MCF2L2: variants seen among roughly 807,000 people sequenced by gnomAD.
MCF2L2 encodes MCF.2 cell line derived transforming sequence-like 2, also known as probable guanine nucleotide exchange factor MCF2L2.
A neutral mutation model predicts 150.2 loss-of-function variants in MCF2L2; 102 were observed. That is an observed-to-expected ratio of 0.68 (90% CI 0.58 to 0.80). The LOEUF (loss-of-function observed/expected upper bound fraction) is 0.80, where lower values mean the gene tolerates loss of function less well. Ranked by LOEUF, MCF2L2 falls within the 30% of genes least tolerant of loss-of-function variation. The pLI is 0.00. For synonymous variants in MCF2L2, 465 were observed against 491.3 expected (o/e 0.95, Z 0.71); for missense variants, 1,256 against 1,372.8 (o/e 0.91, Z 1.34).
intron 15 of MCF2L2, among the ~76,000 whole-genome samples, chr3:183,246,028 A>T (rs912148170): frequency 6.6e-6 from 1 of 152,220 alleles, no homozygotes; most frequent in Non-Finnish European, 1.5e-5. Flanking sequence ...ATCTGAATAG[A>T]TGTTCTTCAA....
At chr3:183,417,432 G>A (rs1483717716) in intron 1 of MCF2L2, among the ~76,000 whole-genome samples, 1 of 152,264 alleles carries the variant, frequency 6.6e-6, no homozygotes, top group East Asian at 1.9e-4. Context: ...GGGACCATTT[G>A]TACTTTTGTT....
At chr3:183,394,002 G>C (rs1235288456) in intron 1 of MCF2L2, among the ~76,000 whole-genome samples, 1 of 152,158 alleles carries the variant, frequency 6.6e-6, no homozygotes, top group East Asian at 1.9e-4. Flanking sequence ...ATTCAAGTAT[G>C]ATCTGAGGGG....
intron 23 of MCF2L2, 26 bp downstream of exon 23, chr3:183,207,582 C>T: frequency 6.5e-7 from 1 of 1,543,526 alleles, no homozygotes. Context: ...TAGGGCGACT[C>T]CCAGATGCAA....
At chr3:183,398,850 G>C (rs1341150186) in intron 1 of MCF2L2, among the ~76,000 whole-genome samples, 4 of 152,008 alleles carry the variant, frequency 2.6e-5, no homozygotes, top group African/African-American at 9.7e-5. Context: ...TTGAGTCACA[G>C]AATAAAATGA....
rs752436072 is a variant in MCF2L2 at position 183,205,843 on chromosome 3, C to G, written c.2884+33G>C. 3 of 1,541,544 alleles carry G rather than the reference C, an allele frequency of 1.9e-6. No individual in the cohort carries two copies. The South Asian group carries it at 3.4e-5, about 17-fold the overall frequency. On this transcript the variant is annotated intron_variant, in intron 25 of 29. Coordinates refer to ENST00000328913, the MANE Select transcript of MCF2L2 (RefSeq NM_015078.4). ...CCCCACTGAGCTGAAATCAGTATAA[C>G]TCGACAGACGAAAGTCAGCAGGGGT...
intron 1 of MCF2L2, among the ~76,000 whole-genome samples, chr3:183,397,535 T>C (rs543564717): frequency 1.3e-5 from 2 of 152,192 alleles, no homozygotes; most frequent in Non-Finnish European, 2.9e-5. Flanking sequence ...TTTCAACATA[T>C]GAATTTTGGA....
chr3:183,293,132 C>T (rs1222186245), intron 13 of MCF2L2, among the ~76,000 whole-genome samples: 1 of 151,922 alleles, frequency 6.6e-6, no homozygotes, highest in Middle Eastern at 3.2e-3. Context: ...ACTTTAAATA[C>T]AAAGACAGAA....
At chr3:183,368,584 T>A (rs1712677414) in intron 3 of MCF2L2, among the ~76,000 whole-genome samples, 2 of 151,960 alleles carry the variant, frequency 1.3e-5, no homozygotes, top group South Asian at 4.2e-4. Context: ...GCCAACATGG[T>A]GAAACTCCAT....
At chr3:183,378,821 C>T (rs1713345320) in intron 3 of MCF2L2, 1 of 150,612 alleles carries the variant, frequency 6.6e-6, no homozygotes, top group Non-Finnish European at 1.5e-5. Context: ...AGTTCGAGAC[C>T]AGCCTGGCCA....
intron 1 of MCF2L2, among the ~76,000 whole-genome samples, chr3:183,392,641 C>G (rs73886903): frequency 5.3e-5 from 8 of 152,328 alleles, no homozygotes; most frequent in African/African-American, 1.4e-4. Flanking sequence ...CATGACCCAA[C>G]CTGGCCAGCT....
chr3:183,231,007 G>A lies in MCF2L2; in HGVS notation c.1873C>T (p.Arg625Cys), dbSNP rs199958134. ...ATCTCTTCAGTCTCAAGCAAGTCAC[G>A]TATAATGCGCCTGAATCACAGCAGC... ...GDLSPRRRIIRDLLETEEIYI... is the reference protein window; with the variant it reads ...GDLSPRRRIICDLLETEEIYI... The change falls in exon 16 of 30, where the codon CGT (arginine) becomes TGT (cysteine). Residue 625 changes from arginine (R) to cysteine (C), a missense_variant. Physicochemically the swap from Arg to Cys is radical, Grantham distance 180. Coordinates refer to ENST00000328913, the MANE Select transcript of MCF2L2 (RefSeq NM_015078.4). 394 of 1,613,162 alleles carry A rather than the reference G, an allele frequency of 2.4e-4. No homozygotes were observed. Among genetic ancestry groups the A allele is most frequent in the Non-Finnish European group, 3.2e-4 (376 of 1,179,470 alleles).
chr3:183,227,961 CAG>C lies in MCF2L2; in HGVS notation c.2115+334_2115+335del. Reference sequence around the variant, plus strand: ...ACATCTCCCTACTTCCTCTAGACTCCAGCCCCTGGCAACCACCCTTCTACTTC... The same window carrying C: ...ACATCTCCCTACTTCCTCTAGACTCCCCCCTGGCAACCACCCTTCTACTTC... On this transcript the variant is annotated intron_variant, in intron 18 of 29. Transcript: ENST00000328913. This position sits in a 1 kb window ranked among gnomAD's most constrained non-coding sequence, Gnocchi z 4.0. 5.0e-6 allele frequency: 1 copy of C among 199,018 alleles called. No homozygotes were observed. The allele number at this position is 199,018 out of a possible 1,614,324, so 12.3% of individuals were successfully genotyped here.
At chr3:183,390,286 T>TC (rs1053566352) in intron 1 of MCF2L2, among the ~76,000 whole-genome samples, 23 of 152,158 alleles carry the variant, frequency 1.5e-4, no homozygotes, top group African/African-American at 5.1e-4. Flanking sequence ...TTCCTTTTTT[T>TC]CCCCCTTCCA....
At chr3:183,251,012 T>C (rs1441791970) in intron 15 of MCF2L2, among the ~76,000 whole-genome samples, 1 of 152,232 alleles carries the variant, frequency 6.6e-6, no homozygotes, top group East Asian at 1.9e-4. Flanking sequence ...CAGGTATTAC[T>C]GTGGGCACAG....
At chr3:183,216,551 A>ATT (rs1560347123) in intron 21 of MCF2L2, among the ~76,000 whole-genome samples, 6 of 42,208 alleles carry the variant, frequency 1.4e-4, no homozygotes, top group African/African-American at 4.7e-4. Context: ...AAGTATATAT[A>ATT]TTATATATAT....
In MCF2L2 at chr3:183,205,845, C is replaced by T. The variant is rs1250346774; in HGVS notation, c.2884+31G>A. The T allele has an allele frequency of 7.7e-6, 12 of 1,549,940 alleles. No homozygotes were observed. The East Asian group carries it at 1.6e-4, about 20-fold the overall frequency. ...CCACTGAGCTGAAATCAGTATAACT[C>T]GACAGACGAAAGTCAGCAGGGGTAA... On this transcript the variant is annotated intron_variant, in intron 25 of 29. Transcript: ENST00000328913.
At chr3:183,186,239 G>T (rs954432916) in intron 27 of MCF2L2, among the ~76,000 whole-genome samples, 7 of 151,950 alleles carry the variant, frequency 4.6e-5, no homozygotes, top group Admixed American at 6.6e-5. Context: ...TTTTAGTATG[G>T]CTCCATTTAA....
intron 7 of MCF2L2, among the ~76,000 whole-genome samples, chr3:183,316,833 G>A (rs559153898): frequency 1.1e-4 from 17 of 151,806 alleles, no homozygotes; most frequent in Non-Finnish European, 2.2e-4. Flanking sequence ...AGCCTCCTGA[G>A]TAGCTGGGAT....
intron 16 of MCF2L2, among the ~76,000 whole-genome samples, chr3:183,230,413 C>T (rs958766555): frequency 6.6e-6 from 1 of 152,082 alleles, no homozygotes; most frequent in Non-Finnish European, 1.5e-5. Flanking sequence ...TGCATCCGGC[C>T]CAATAATTAT....
Sources: gnomAD v4.1 joint callset for allele counts (sites outside exome capture counted in the v4.1 genomes callset) on GRCh38, gnomAD v4.1.1 for gene constraint, Gnocchi (gnomAD v3.1) non-coding constraint, MANE v1.5 for transcripts, NCBI Gene and HGNC (gene_info 2026-07-23, HGNC 2026-07-21) for gene names.